CCT4: variants seen among roughly 807,000 people sequenced by gnomAD.
CCT4 encodes T-complex protein 1 subunit delta.
Under a neutral mutation model 62.5 loss-of-function variants are expected in CCT4, and 17 were observed. That is an observed-to-expected ratio of 0.27 (90% confidence interval 0.19 to 0.41). CCT4 has a LOEUF of 0.41. Among genes scored for constraint, CCT4 ranks in the 10% least tolerant of loss-of-function variants. The pLI, the probability that CCT4 is intolerant of heterozygous loss-of-function variation, is 1.00. For synonymous variants in CCT4, 250 were observed against 229.9 expected (o/e 1.09, Z -0.79); for missense variants, 592 against 659.2 (o/e 0.90, Z 1.12).
intron 4 of CCT4, 77 bp from the exon 5 acceptor site, chr2:61,879,088 T>A (rs1478317334): frequency 1.8e-6 from 2 of 1,094,222 alleles, no homozygotes; most frequent in African/African-American, 3.2e-5. Context: ...AATTTTCTAC[T>A]CAATGTCAAA....
At position 61,872,200 on chromosome 2, in the gene CCT4, A is replaced by G; in HGVS notation, c.1373T>C (p.Met458Thr). ...AGCTAGTGTAGATGGAATGACCTCC[A>G]TAGCATCTGCAAAAGCACGAACGCA... Reference protein sequence around the residue: ...SYCVRAFADAMEVIPSTLAEN... With the variant: ...SYCVRAFADATEVIPSTLAEN... The change falls in exon 12 of 14, where the codon ATG (methionine) becomes ACG (threonine). Residue 458 changes from methionine to threonine, a missense_variant. This residue lies in a region of CCT4 where 522 missense variants were observed against 571.2 expected (regional missense o/e 0.91). Coordinates refer to ENST00000394440, the MANE Select transcript of CCT4 (RefSeq NM_006430.4). 6.2e-7 allele frequency: 1 copy of G among 1,613,862 alleles called. No homozygotes were observed. The highest frequency in any genetic ancestry group is 8.5e-7 in the Non-Finnish European group (1 of 1,179,840).
At chr2:61,875,868 C>T (rs553806241) in intron 8 of CCT4, among the ~76,000 whole-genome samples, 3 of 152,224 alleles carry the variant, frequency 2.0e-5, no homozygotes, top group African/African-American at 7.2e-5. Context: ...TGAACTTATA[C>T]CATTTTTTCC....
intron 13 of CCT4, among the ~76,000 whole-genome samples, chr2:61,869,090 C>T (rs1247772160): frequency 6.9e-6 from 1 of 145,792 alleles, no homozygotes; most frequent in Admixed American, 7.2e-5. Context: ...TGCAATGAGC[C>T]GAGATCATGC....
At chr2:61,885,109 A>T in intron 1 of CCT4, 37 bp from the exon 2 acceptor site, 1 of 1,467,602 alleles carries the variant, frequency 6.8e-7, no homozygotes, top group South Asian at 1.3e-5. Flanking sequence ...AACAAATTAG[A>T]ACTTTTTTTT....
chr2:61,884,353 G>A (rs756547030), intron 2 of CCT4, among the ~76,000 whole-genome samples: 1 of 152,092 alleles, frequency 6.6e-6, no homozygotes, highest in African/African-American at 2.4e-5. Flanking sequence ...GCCCAGGCTG[G>A]AGTGCAGCTG....
At chr2:61,870,526 C>A (rs1407023178) in intron 12 of CCT4, among the ~76,000 whole-genome samples, 4 of 152,124 alleles carry the variant, frequency 2.6e-5, no homozygotes, top group Admixed American at 2.6e-4. Flanking sequence ...TCTCATCCTA[C>A]TTCCCTTTAT....
intron 10 of CCT4, 46 bp from the exon 11 acceptor site, chr2:61,872,634 A>C (rs1028709505): frequency 6.2e-7 from 1 of 1,604,646 alleles, no homozygotes; most frequent in Non-Finnish European, 8.5e-7. Context: ...GGTCAAAAAA[A>C]CCCCACACCC....
At position 61,872,283 on chromosome 2, in the gene CCT4, T is replaced by C. The variant is rs972285080; in HGVS notation, c.1290A>G (p.Ile430Met). ...ALIAGGGAPEIELALRLTEYS... is the reference protein window; with the variant it reads ...ALIAGGGAPEMELALRLTEYS... ...ATTCAGTTAATCGTAGGGCCAACTC[T>C]ATTTCTGGAGCACCACCTCCTGCAA... Residue 430 changes from isoleucine (I) to methionine (M), a missense_variant, in exon 12 of 14, where the codon ATA (isoleucine) becomes ATG (methionine). Physicochemically the swap from Ile to Met is conservative, Grantham distance 10 (BLOSUM62 1). Coordinates refer to ENST00000394440, the MANE Select transcript of CCT4 (RefSeq NM_006430.4). 3 of 1,608,048 alleles carry C rather than the reference T, an allele frequency of 1.9e-6. No homozygotes were observed. The highest frequency in any genetic ancestry group is 2.6e-6 in the Non-Finnish European group (3 of 1,175,946).
At chr2:61,875,657 T>C (rs1304537486) in intron 8 of CCT4, among the ~76,000 whole-genome samples, 2 of 152,088 alleles carry the variant, frequency 1.3e-5, no homozygotes, top group African/African-American at 4.8e-5. Context: ...GCATGCTTTC[T>C]TGGCCCTGTT....
At chr2:61,872,416 T>C in intron 11 of CCT4, 42 bp downstream of exon 11, 1 of 1,521,180 alleles carries the variant, frequency 6.6e-7, no homozygotes, top group Non-Finnish European at 8.9e-7. Flanking sequence ...ATAATAGTTT[T>C]AATGTTCAAA....
intron 3 of CCT4, among the ~76,000 whole-genome samples, chr2:61,881,882 A>ATTT (rs55921095): frequency 2.0e-5 from 3 of 150,696 alleles, no homozygotes; most frequent in Middle Eastern, 3.5e-3. Context: ...AAAAAAAAAA[A>ATTT]TTTTTTAAAA....
chr2:61,881,315 A>G (rs1297307120), intron 3 of CCT4, among the ~76,000 whole-genome samples: 1 of 151,980 alleles, frequency 6.6e-6, no homozygotes, highest in Non-Finnish European at 1.5e-5. Flanking sequence ...TCACTTCTGG[A>G]TAACAAAATT....
At chr2:61,875,261 C>T (rs948794397) in intron 8 of CCT4, among the ~76,000 whole-genome samples, 9 of 151,330 alleles carry the variant, frequency 5.9e-5, no homozygotes, top group Non-Finnish European at 4.4e-5. Context: ...TGGTGGTTTA[C>T]CCAACTCAAA....
At chr2:61,884,099 C>A (rs1572926281) in intron 2 of CCT4, among the ~76,000 whole-genome samples, 3 of 111,500 alleles carry the variant, frequency 2.7e-5, no homozygotes, top group Admixed American at 2.6e-4. Flanking sequence ...CATTAAGATA[C>A]AAAGTTACAT....
intron 3 of CCT4, among the ~76,000 whole-genome samples, chr2:61,882,804 C>T (rs1669147998): frequency 1.4e-5 from 2 of 141,504 alleles, no homozygotes; most frequent in African/African-American, 2.7e-5. Context: ...AGCCACTGTG[C>T]CCAGCTTTTT....
At chr2:61,888,340 A>C (rs890536598) in intron 1 of CCT4, 41 bp downstream of exon 1, 2 of 1,598,482 alleles carry the variant, frequency 1.3e-6, no homozygotes, top group Admixed American at 3.4e-5. Flanking sequence ...AGCGCAGAGC[A>C]CAACCCCGCG....
intron 12 of CCT4, among the ~76,000 whole-genome samples, chr2:61,870,434 C>G (rs144935560): frequency 6.6e-6 from 1 of 152,178 alleles, no homozygotes; most frequent in Non-Finnish European, 1.5e-5. Flanking sequence ...CGGGATTACT[C>G]CTGATGGCCT....
chr2:61,882,152 C>T (rs1387461494), intron 3 of CCT4, among the ~76,000 whole-genome samples: 1 of 152,142 alleles, frequency 6.6e-6, no homozygotes, highest in East Asian at 1.9e-4. Flanking sequence ...AGGCTGGTGT[C>T]GAACTCCTGA....
At chr2:61,874,333 A>T (rs757842952) in intron 8 of CCT4, among the ~76,000 whole-genome samples, 2 of 152,132 alleles carry the variant, frequency 1.3e-5, no homozygotes, top group African/African-American at 2.4e-5. Flanking sequence ...TTAGGAAAAA[A>T]TACTGGCCAG....
Sources: gnomAD v4.1 joint callset for allele counts (sites outside exome capture counted in the v4.1 genomes callset) on GRCh38, gnomAD v4.1.1 for gene constraint, gnomAD v4.1.1 regional missense constraint, MANE v1.5 for transcripts, NCBI Gene and HGNC (gene_info 2026-07-23, HGNC 2026-07-21) for gene names.